XPO7: variants seen among roughly 807,000 people sequenced by gnomAD.
XPO7 encodes the protein exportin-7.
In XPO7, 21 loss-of-function variants were observed where a neutral mutation model predicts 144.3. The observed-to-expected ratio is 0.15, with a 90% CI of 0.10 to 0.21. XPO7 has a LOEUF of 0.21. Ranked by LOEUF, XPO7 falls within the 10% of genes least tolerant of loss-of-function variation. XPO7 has a pLI of 1.00. For synonymous variants in XPO7, 580 were observed against 499.6 expected (o/e 1.16, Z -2.15); for missense variants, 808 against 1,325.8 (o/e 0.61, Z 6.06).
chr8:21,988,006 G>A (rs1388676140), intron 15 of XPO7, 149 bp downstream of exon 15: 2 of 836,580 alleles, frequency 2.4e-6, no homozygotes, highest in East Asian at 2.7e-5. Flanking sequence ...GTGACAAGCT[G>A]TGCTTAGAGA....
intron 1 of XPO7, among the ~76,000 whole-genome samples, chr8:21,922,919 A>G (rs1030350890): frequency 1.3e-5 from 2 of 152,174 alleles, no homozygotes; most frequent in African/African-American, 2.4e-5. Context: ...AGGCACAGTA[A>G]TTAAATATTG....
At chr8:21,966,061 G>GTA (rs1291847102) in intron 1 of XPO7, among the ~76,000 whole-genome samples, 3 of 152,166 alleles carry the variant, frequency 2.0e-5, no homozygotes, top group Non-Finnish European at 4.4e-5. Context: ...TTAAGTGCAA[G>GTA]TATATATGCC....
chr8:21,990,663 G>A, intron 17 of XPO7, 148 bp from the exon 18 acceptor site: 2 of 808,520 alleles, frequency 2.5e-6, no homozygotes, highest in South Asian at 1.8e-5. Flanking sequence ...ACGGTAGCCT[G>A]CCTTCAAAAA....
At chr8:21,924,981 C>G (rs1163441106) in intron 1 of XPO7, among the ~76,000 whole-genome samples, 1 of 152,138 alleles carries the variant, frequency 6.6e-6, no homozygotes, top group Non-Finnish European at 1.5e-5. Context: ...CTTCCAGGGC[C>G]TTACATTGAA....
chr8:21,990,763 C>T, intron 17 of XPO7, 48 bp from the exon 18 acceptor site: 1 of 1,568,500 alleles, frequency 6.4e-7, no homozygotes, highest in South Asian at 1.1e-5. Context: ...TTGCATTCTG[C>T]CTCTAACTCA....
rs373167743 is a variant in XPO7, at chr8:21,999,173, C to T, written c.2511C>T (p.Ser837=). 1 of 1,614,008 alleles carries T rather than the reference C, an allele frequency of 6.2e-7. No homozygotes were observed. The highest frequency in any genetic ancestry group is 8.5e-7 in the Non-Finnish European group (1 of 1,179,896). ...LKLKGISICF[S]MLKAALSGSY... is the part of the protein sequence containing the mutation. ...TCAAGGGCATCTCCATCTGCTTCTC[C>T]ATGCTGAAGGCTGCTCTCAGTGGGA... Residue 837 remains serine (S), a synonymous_variant, in exon 23 of 28, where the codon TCC becomes TCT. Coordinates refer to ENST00000252512, the MANE Select transcript of XPO7 (RefSeq NM_015024.5).
intron 1 of XPO7, among the ~76,000 whole-genome samples, chr8:21,962,956 T>C (rs894570738): frequency 6.6e-6 from 1 of 152,196 alleles, no homozygotes; most frequent in African/African-American, 2.4e-5. Context: ...CAAGGTTCAG[T>C]ATAAATATTT....
chr8:21,920,280 C>G lies in XPO7; in HGVS notation c.18+492C>G, dbSNP rs35643944. Among the ~76,000 whole-genome samples the G allele has an allele frequency of 3.0e-3, 457 of 152,214 alleles. 3 individuals are homozygous for G. Among genetic ancestry groups the G allele is most frequent in the Non-Finnish European group, 3.5e-3 (235 of 67,986 alleles). On this transcript the variant is annotated intron_variant, in intron 1 of 27. Coordinates refer to ENST00000252512, the MANE Select transcript of XPO7 (RefSeq NM_015024.5). ...TTCCCGCCGCCTTCCTCTCACGCCC[C>G]GGAATACGAGAGACCCCCCAGCAAC...
chr8:21,939,329 C>G (rs1810918943), intron 1 of XPO7, among the ~76,000 whole-genome samples: 1 of 151,560 alleles, frequency 6.6e-6, no homozygotes, highest in South Asian at 2.1e-4. Flanking sequence ...TAAAGCGATT[C>G]TGCTGCCTCA....
chr8:21,991,016 GT>G, intron 18 of XPO7, 97 bp downstream of exon 18: 1 of 1,116,668 alleles, frequency 9.0e-7, no homozygotes, highest in East Asian at 2.4e-5. Flanking sequence ...GGCCTTTTCT[GT>G]TTTTTCAACA....
At chr8:21,919,877 T>TCGGGACTCGGCAGGCCCGCGCCGCCGCCA (rs1810208315) in intron 1 of XPO7, 89 bp downstream of exon 1, 1 of 299,054 alleles carries the variant, frequency 3.3e-6, no homozygotes, top group Non-Finnish European at 6.3e-6. Context: ...GCCAGCCGGC[T>TCGGGACTCGGCAGGCCCGCGCCGCCGCCA]CGGGACTCGG....
In XPO7 at chr8:21,985,623, G is replaced by C. The variant is rs1261714308; in HGVS notation, c.1509G>C (p.Val503=). The C allele has an allele frequency of 6.2e-7, 1 of 1,613,936 alleles. No homozygotes were observed. The highest frequency in any genetic ancestry group is 8.5e-7 in the Non-Finnish European group (1 of 1,179,890). The stretch of plus-strand genomic sequence containing the variant: ...GGCTGGTTTACATTATTGGAGCAGT[G>C]ATCGGTGGCCGGGTTTCTTTTGCCA... ...LTWLVYIIGA[V]IGGRVSFAST... Residue 503 remains valine (V), a synonymous_variant, in exon 13 of 28, where the codon GTG becomes GTC. Transcript: ENST00000252512.
intron 1 of XPO7, among the ~76,000 whole-genome samples, chr8:21,945,602 C>G (rs1447183713): frequency 6.6e-6 from 1 of 152,164 alleles, no homozygotes; most frequent in African/African-American, 2.4e-5. Context: ...GTACAACACC[C>G]CAAAATGCTT....
chr8:22,005,276 C>A lies in XPO7; in HGVS notation c.*188C>A. On this transcript the variant is annotated 3_prime_UTR_variant, in exon 28 of 28. Transcript: ENST00000252512. ...TGAGTACACTCACTAGGGGGCAGGG[C>A]GCTGCTGGTTCCTGGGGGACTGGGT... 1 of 389,162 alleles carries A rather than the reference C, an allele frequency of 2.6e-6. No individual in the cohort carries two copies. The highest frequency in any genetic ancestry group is 4.6e-6 in the Non-Finnish European group (1 of 218,556). 24.1% of individuals were successfully genotyped at this position (389,162 alleles called of 1,614,324 possible).
At chr8:21,997,668 T>A (rs1172793814) in intron 21 of XPO7, among the ~76,000 whole-genome samples, 1 of 152,162 alleles carries the variant, frequency 6.6e-6, no homozygotes, top group Non-Finnish European at 1.5e-5. Context: ...CTCATTGCTG[T>A]GGGAAGCCGC....
At chr8:21,957,361 C>T (rs1318108121) in intron 1 of XPO7, among the ~76,000 whole-genome samples, 1 of 152,080 alleles carries the variant, frequency 6.6e-6, no homozygotes, top group African/African-American at 2.4e-5. Context: ...CCCTGTTTCT[C>T]CTTCTTTGGG....
intron 1 of XPO7, among the ~76,000 whole-genome samples, chr8:21,954,139 C>T (rs924774482): frequency 3.9e-5 from 6 of 152,138 alleles, no homozygotes; most frequent in African/African-American, 1.4e-4. Flanking sequence ...TCCTTTTTAT[C>T]TAGTCATTGT....
At chr8:21,971,805 A>G in intron 4 of XPO7, 71 bp from the exon 5 acceptor site, 2 of 1,256,874 alleles carry the variant, frequency 1.6e-6, no homozygotes, top group South Asian at 1.3e-5. Context: ...ATTCGAAAGT[A>G]TGAGTGCATT....
chr8:21,945,284 A>C (rs1388926299), intron 1 of XPO7, among the ~76,000 whole-genome samples: 3 of 152,246 alleles, frequency 2.0e-5, no homozygotes, highest in African/African-American at 7.2e-5. Flanking sequence ...ATTATCCTTT[A>C]ATCTGTAATC....
Sources: allele counts gnomAD v4.1 joint callset (sites outside exome capture counted in the v4.1 genomes callset), GRCh38; gene constraint gnomAD v4.1.1; transcripts MANE v1.5; gene names NCBI Gene and HGNC (gene_info 2026-07-23, HGNC 2026-07-21).